Variants in DNM3 observed in about 807,000 individuals in gnomAD.
DNM3 encodes dynamin 3.
DNM3 carries 47 observed loss-of-function variants against 101.6 expected under a neutral mutation model. The observed-to-expected ratio is 0.46, with a 90% CI of 0.37 to 0.59. The LOEUF (loss-of-function observed/expected upper bound fraction) is 0.59, where lower values mean the gene tolerates loss of function less well. DNM3 is among the 20% of genes least tolerant of loss of function. The pLI, the probability that DNM3 is intolerant of heterozygous loss-of-function variation, is 0.00. For missense variants in DNM3, 849 were observed against 1,085.7 expected, an observed-to-expected ratio of 0.78 and a Z score of 3.06; for synonymous variants, 385 against 387.9, an observed-to-expected ratio of 0.99 and a Z score of 0.09.
In DNM3 at chr1:172,379,031, A is replaced by C; in HGVS notation, c.1907A>C (p.Glu636Ala). The C allele has an allele frequency of 6.2e-7, 1 of 1,610,262 alleles. No homozygotes were observed. Among genetic ancestry groups the C allele is most frequent in the Non-Finnish European group, 8.5e-7 (1 of 1,178,318 alleles). Residue 636 changes from glutamate (E) to alanine (A), a missense_variant, in exon 18 of 21, where the codon GAG (glutamate) becomes GCG (alanine). Physicochemically the swap from Glu to Ala is moderately radical, Grantham distance 107. Transcript: ENST00000627582. ...SVGNNKAEND[E>A]NGQAENFSMD... Reference sequence around the variant, plus strand: ...CTCTTCTTTTAGGCTGAAAATGATGAGAATGGACAAGCAGAAAACTTTTCC... The same window carrying C: ...CTCTTCTTTTAGGCTGAAAATGATGCGAATGGACAAGCAGAAAACTTTTCC...
chr1:172,227,427 C>G (rs969348455), intron 14 of DNM3, among the ~76,000 whole-genome samples: 9 of 151,480 alleles, frequency 5.9e-5, no homozygotes, highest in African/African-American at 1.9e-4. Flanking sequence ...AGTAACTTCT[C>G]CTTTGGGTAG....
intron 14 of DNM3, among the ~76,000 whole-genome samples, chr1:172,219,008 C>T (rs2060805975): frequency 6.6e-6 from 1 of 151,978 alleles, no homozygotes; most frequent in Admixed American, 6.6e-5. Context: ...TTTCAACAAA[C>T]TTGCCTTGAG....
intron 17 of DNM3, among the ~76,000 whole-genome samples, chr1:172,352,587 G>A (rs983867514): frequency 2.6e-5 from 4 of 152,078 alleles, no homozygotes; most frequent in South Asian, 2.1e-4. Flanking sequence ...TTTAGTTAAC[G>A]TATTTTCACC....
In DNM3 at chr1:172,032,458, G is replaced by T; in HGVS notation, c.646G>T (p.Ala216Ser). The change falls in exon 5 of 21, where the codon GCC (alanine) becomes TCC (serine). Residue 216 changes from alanine to serine, a missense_variant. Ala to Ser is a moderately conservative substitution (Grantham distance 99). Transcript: ENST00000627582. ...KLDLMDEGTD[A>S]RDVLENKLLP... ...GGACCTTATGGATGAAGGAACGGAT[G>T]CCAGGGATGTTCTAGAGAACAAACT... The T allele has an allele frequency of 2.5e-6, 4 of 1,611,002 alleles. No individual in the cohort carries two copies. Among genetic ancestry groups the T allele is most frequent in the Non-Finnish European group, 3.4e-6 (4 of 1,178,400 alleles).
At chr1:172,046,505 T>C (rs2049818311) in intron 9 of DNM3, among the ~76,000 whole-genome samples, 1 of 151,586 alleles carries the variant, frequency 6.6e-6, no homozygotes, top group South Asian at 2.1e-4. Context: ...TGTATACATA[T>C]GTAACTAACC....
chr1:172,170,178 C>A (rs2058899802), intron 14 of DNM3, among the ~76,000 whole-genome samples: 2 of 151,822 alleles, frequency 1.3e-5, no homozygotes, highest in Non-Finnish European at 2.9e-5. Context: ...GTTTTAAATT[C>A]ATATACATTG....
intron 4 of DNM3, among the ~76,000 whole-genome samples, chr1:171,995,102 T>G (rs894685441): frequency 5.6e-5 from 8 of 143,060 alleles, no homozygotes; most frequent in African/African-American, 1.0e-4. Context: ...CCAGGTTTTT[T>G]TTTTTTTTTT....
chr1:172,408,248 CT>C lies in DNM3; in HGVS notation c.*408del. ...CCATACATATTTCTTTTCCCACATT[CT>C]GTTTAGGATGACAGTAATTCTGTTG... On this transcript the variant is annotated 3_prime_UTR_variant, in exon 21 of 21. Coordinates refer to ENST00000627582, the MANE Select transcript of DNM3 (RefSeq NM_015569.5). 1 of 999,558 alleles carries C rather than the reference CT, an allele frequency of 1.0e-6. No homozygotes were observed. Among genetic ancestry groups the C allele is most frequent in the Non-Finnish European group, 1.2e-6 (1 of 838,126 alleles). 61.9% of individuals were successfully genotyped at this position (999,558 alleles called of 1,614,324 possible).
chr1:172,039,979 G>A (rs2125830104), intron 7 of DNM3, among the ~76,000 whole-genome samples: 1 of 152,182 alleles, frequency 6.6e-6, no homozygotes, highest in Admixed American at 6.5e-5. Flanking sequence ...AAATATTAAG[G>A]GAGCCCGGAT....
intron 14 of DNM3, among the ~76,000 whole-genome samples, chr1:172,218,541 TTAAG>T (rs771478454): frequency 1.3e-5 from 2 of 152,102 alleles, no homozygotes; most frequent in Non-Finnish European, 2.9e-5. Flanking sequence ...TTTATCCCAC[TTAAG>T]TGAGTATTTG....
rs114462232 is a variant in DNM3 at position 171,948,628 on chromosome 1, A to G, written c.235+26807A>G. ...TTGGGTAATTGAAAGAAATGCTGCCAAGGAAAACAACTACTATGTGTTACT... is the reference window on the plus strand; with the variant it reads ...TTGGGTAATTGAAAGAAATGCTGCCGAGGAAAACAACTACTATGTGTTACT... On this transcript the variant is annotated intron_variant, in intron 2 of 20. Coordinates refer to ENST00000627582, the MANE Select transcript of DNM3 (RefSeq NM_015569.5). 6.4e-3 allele frequency among the ~76,000 whole-genome samples: 978 copies of G among 152,282 alleles called. 15 individuals are homozygous for G. The highest frequency in any genetic ancestry group is 0.021 in the African/African-American group (888 of 41,566).
chr1:172,374,696 G>A (rs1438937305), intron 17 of DNM3, among the ~76,000 whole-genome samples: 1 of 151,852 alleles, frequency 6.6e-6, no homozygotes, highest in African/African-American at 2.4e-5. Flanking sequence ...TTATTATGAC[G>A]GCCCATGCTG....
At chr1:172,065,098 A>T (rs1417076307) in intron 10 of DNM3, among the ~76,000 whole-genome samples, 1 of 152,172 alleles carries the variant, frequency 6.6e-6, no homozygotes, top group East Asian at 1.9e-4. Flanking sequence ...TCTCTACTTC[A>T]TGGGATATTC....
chr1:172,366,803 G>C (rs2068043816), intron 17 of DNM3, among the ~76,000 whole-genome samples: 1 of 151,652 alleles, frequency 6.6e-6, no homozygotes. Flanking sequence ...ACTTGAAGGT[G>C]ACTATTTTGA....
At chr1:172,175,431 T>C (rs1168567358) in intron 14 of DNM3, among the ~76,000 whole-genome samples, 1 of 151,746 alleles carries the variant, frequency 6.6e-6, no homozygotes, top group Non-Finnish European at 1.5e-5. Flanking sequence ...CTTACTATAG[T>C]TGTAGATTGT....
rs544894195 is a variant in DNM3, at chr1:172,382,612, G to A, written c.2058+3430G>A. On this transcript the variant is annotated intron_variant, in intron 18 of 20. Coordinates refer to ENST00000627582, the MANE Select transcript of DNM3 (RefSeq NM_015569.5). ...ACCATTTGAACATTGGATAATGCAC[G>A]TGACAGGGTTAGGAAACTCTAAGTC... Among the ~76,000 whole-genome samples, 12 of 152,206 alleles carry A rather than the reference G, an allele frequency of 7.9e-5. 1 individual carries two copies. The South Asian group carries it at 1.0e-3, about 13-fold the overall frequency.
intron 14 of DNM3, among the ~76,000 whole-genome samples, chr1:172,237,428 G>T (rs1455578994): frequency 6.6e-6 from 1 of 152,150 alleles, no homozygotes; most frequent in East Asian, 1.9e-4. Flanking sequence ...TTTTCTGCTG[G>T]TCTTACTGAG....
intron 1 of DNM3, among the ~76,000 whole-genome samples, chr1:171,877,906 C>G (rs957305210): frequency 1.3e-5 from 2 of 152,106 alleles, no homozygotes; most frequent in African/African-American, 2.4e-5. Flanking sequence ...TGATTATGAA[C>G]AGGCTGTAAG....
At chr1:172,213,517 C>CAAAAAAAAAAA (rs57339395) in intron 14 of DNM3, among the ~76,000 whole-genome samples, 1 of 79,380 alleles carries the variant, frequency 1.3e-5, no homozygotes, top group East Asian at 5.9e-4. Context: ...TCCATTGTTA[C>CAAAAAAAAAAA]AAAAAAAAAA....
Sources: gnomAD v4.1 joint callset for allele counts (sites outside exome capture counted in the v4.1 genomes callset) on GRCh38, gnomAD v4.1.1 for gene constraint, MANE v1.5 for transcripts, NCBI Gene and HGNC (gene_info 2026-07-23, HGNC 2026-07-21) for gene names.